Variants in CHODL observed in about 807,000 individuals in gnomAD.
CHODL encodes the protein chondrolectin, also known as transmembrane protein MT75.
CHODL carries 29 observed loss-of-function variants against 34.5 expected under a neutral mutation model. The ratio of observed to expected loss-of-function variants is 0.84; its 90% CI spans 0.63 to 1.15. The LOEUF is 1.15. Among genes scored for constraint, CHODL ranks in the 50% most tolerant of loss-of-function variants. The pLI, the probability that CHODL is intolerant of heterozygous loss-of-function variation, is 0.00. For missense variants in CHODL, 332 were observed against 332.5 expected, an observed-to-expected ratio of 1.00 and a Z score of 0.01; for synonymous variants, 125 against 116.1, an observed-to-expected ratio of 1.08 and a Z score of -0.49.
chr21:17,926,304 T>G (rs1242553590), intron 1 of CHODL, among the ~76,000 whole-genome samples: 1 of 151,724 alleles, frequency 6.6e-6, no homozygotes, highest in Non-Finnish European at 1.5e-5. Flanking sequence ...TTGCCTAGGG[T>G]CTCAACACAC....
chr21:18,118,556 T>C (rs927054896), intron 2 of CHODL, among the ~76,000 whole-genome samples: 1 of 152,218 alleles, frequency 6.6e-6, no homozygotes, highest in Non-Finnish European at 1.5e-5. Context: ...TACTGTAATG[T>C]TTCTAAGATG....
chr21:17,952,315 A>G (rs539750680), intron 1 of CHODL, among the ~76,000 whole-genome samples: 3 of 152,054 alleles, frequency 2.0e-5, no homozygotes, highest in Non-Finnish European at 2.9e-5. Context: ...TGACAACCAC[A>G]GGTTTATAGA....
intron 2 of CHODL, among the ~76,000 whole-genome samples, chr21:18,157,966 A>AG (rs375144766): frequency 2.0e-5 from 3 of 152,056 alleles, no homozygotes; most frequent in Non-Finnish European, 4.4e-5. Context: ...TAAAAAAAAA[A>AG]GAGACAGAAA....
intron 2 of CHODL, among the ~76,000 whole-genome samples, chr21:18,107,500 G>A (rs910785757): frequency 5.9e-5 from 9 of 152,226 alleles, no homozygotes; most frequent in Non-Finnish European, 1.5e-5. Flanking sequence ...CACTAGTTGT[G>A]CAAGAACTTA....
At chr21:18,023,711 T>C (rs1449574818) in intron 1 of CHODL, among the ~76,000 whole-genome samples, 2 of 152,196 alleles carry the variant, frequency 1.3e-5, no homozygotes, top group African/African-American at 2.4e-5. Context: ...GCAGGTTTTA[T>C]AGCAGTATTT....
At chr21:18,188,106 A>T (rs2073464836) in intron 2 of CHODL, among the ~76,000 whole-genome samples, 1 of 151,086 alleles carries the variant, frequency 6.6e-6, no homozygotes, top group East Asian at 1.9e-4. Flanking sequence ...ATTAAAATTG[A>T]TCATTTTTTT....
At chr21:18,093,146 C>G (rs2065094463) in intron 2 of CHODL, among the ~76,000 whole-genome samples, 2 of 152,088 alleles carry the variant, frequency 1.3e-5, no homozygotes, top group Admixed American at 1.3e-4. Context: ...GCAGACTTTT[C>G]AATAGAAACC....
At chr21:18,094,741 T>TAAA (rs2065117345) in intron 2 of CHODL, among the ~76,000 whole-genome samples, 1 of 67,188 alleles carries the variant, frequency 1.5e-5, no homozygotes, top group Non-Finnish European at 3.6e-5. Context: ...AATGTCTACA[T>TAAA]CAAAAAAAAA....
chr21:18,075,545 C>A (rs2064854187), intron 2 of CHODL, among the ~76,000 whole-genome samples: 1 of 152,104 alleles, frequency 6.6e-6, no homozygotes, highest in African/African-American at 2.4e-5. Flanking sequence ...GTCTCAGTTT[C>A]ATTATATTTA....
intron 2 of CHODL, among the ~76,000 whole-genome samples, chr21:18,211,713 A>C (rs773653995): frequency 6.6e-6 from 1 of 152,206 alleles, no homozygotes; most frequent in Non-Finnish European, 1.5e-5. Context: ...TCAATTTTGA[A>C]GAATTCATAT....
At chr21:18,080,394 A>T (rs1352113360) in intron 2 of CHODL, among the ~76,000 whole-genome samples, 1 of 152,112 alleles carries the variant, frequency 6.6e-6, no homozygotes, top group African/African-American at 2.4e-5. Context: ...CTTGGTTATA[A>T]ATATTTTGCC....
At chr21:18,227,001 AG>A (rs1352283301) in intron 2 of CHODL, among the ~76,000 whole-genome samples, 5 of 152,174 alleles carry the variant, frequency 3.3e-5, no homozygotes, top group Non-Finnish European at 7.3e-5. Context: ...CATTTCTCAC[AG>A]TTTTGGAGGC....
intron 1 of CHODL, among the ~76,000 whole-genome samples, chr21:18,025,060 C>T (rs1392633751): frequency 2.6e-5 from 4 of 152,046 alleles, no homozygotes; most frequent in African/African-American, 4.8e-5. Context: ...TCAATAGTTA[C>T]AGAAAAAAGT....
At chr21:17,927,160 G>GTATATATGTATATATGTATATATATGTA (rs2063234755) in intron 1 of CHODL, among the ~76,000 whole-genome samples, 8 of 67,946 alleles carry the variant, frequency 1.2e-4, no homozygotes, top group African/African-American at 3.0e-4. Context: ...GTATATATAT[G>GTATATATGTATATATGTATATATATGTA]TATATATGTA....
intron 2 of CHODL, among the ~76,000 whole-genome samples, chr21:18,202,073 G>T (rs904618954): frequency 1.3e-5 from 2 of 152,068 alleles, no homozygotes; most frequent in Non-Finnish European, 2.9e-5. Context: ...CCAAAGTGCT[G>T]GGATTACAGG....
At chr21:17,980,039 T>G (rs2063701410) in intron 1 of CHODL, among the ~76,000 whole-genome samples, 1 of 152,168 alleles carries the variant, frequency 6.6e-6, no homozygotes, top group African/African-American at 2.4e-5. Flanking sequence ...ACTGAGTTGT[T>G]GTTTTGGGAA....
chr21:18,052,309 C>T (rs2064525853), intron 2 of CHODL, among the ~76,000 whole-genome samples: 1 of 151,714 alleles, frequency 6.6e-6, no homozygotes, highest in Admixed American at 6.6e-5. Context: ...TTTCCAATGT[C>T]TTTATTTTAC....
Position 18,012,108 on chromosome 21 carries a change from A to G in CHODL, c.-144-15764A>G, listed in dbSNP as rs367919324. On this transcript the variant is annotated intron_variant, in intron 1 of 6. Coordinates refer to the CHODL transcript ENST00000400127. The stretch of plus-strand genomic sequence containing the variant: ...ATCCCCTCTGTTTTGACATGTGAAG[A>G]CTTAAAGGACACTGACATGAATGAG... Among the ~76,000 whole-genome samples, 7 of 152,354 alleles carry G rather than the reference A, an allele frequency of 4.6e-5. No homozygotes were observed. The East Asian group carries it at 1.3e-3, about 29-fold the overall frequency.
chr21:18,236,178 T>C (rs1200565084), intron 2 of CHODL, among the ~76,000 whole-genome samples: 1 of 152,080 alleles, frequency 6.6e-6, no homozygotes, highest in Non-Finnish European at 1.5e-5. Flanking sequence ...CACGTCCTTT[T>C]TCACAGGGCA....
Sources: allele counts gnomAD v4.1 joint callset (sites outside exome capture counted in the v4.1 genomes callset), GRCh38; gene constraint gnomAD v4.1.1; transcripts MANE v1.5; gene names NCBI Gene and HGNC (gene_info 2026-07-23, HGNC 2026-07-21).